PTPRN2: variants seen among roughly 807,000 people sequenced by gnomAD.
The protein encoded by PTPRN2 is receptor-type tyrosine-protein phosphatase N2.
PTPRN2 carries 74 observed loss-of-function variants against 118.8 expected under a neutral mutation model. The ratio of observed to expected loss-of-function variants is 0.62; its 90% CI spans 0.52 to 0.76. The LOEUF (loss-of-function observed/expected upper bound fraction) is 0.76. PTPRN2 is among the 30% of genes least tolerant of loss of function. The pLI, the probability that PTPRN2 is intolerant of heterozygous loss-of-function variation, is 0.00. For missense variants in PTPRN2, 1,481 were observed against 1,394.4 expected (o/e 1.06, Z -0.99); for synonymous variants, 641 against 608.0 (o/e 1.05, Z -0.80).
chr7:157,642,814 C>CAAAAAAAAAAAAAAAAAAAAAAAAAAAAA lies in PTPRN2; in HGVS notation c.2196+13514_2196+13542dup, dbSNP rs11335302. 2.1e-4 allele frequency among the ~76,000 whole-genome samples: 5 copies of CAAAAAAAAAAAAAAAAAAAAAAAAAAAAA among 24,204 alleles called. 1 individual carries two copies. Among genetic ancestry groups the CAAAAAAAAAAAAAAAAAAAAAAAAAAAAA allele is most frequent in the Non-Finnish European group, 4.2e-4 (5 of 11,920 alleles). 15.9% of individuals were successfully genotyped at this position (24,204 alleles called of 152,430 possible). ...AAGGGTCTACCAAGTCAAGAAACAGCAAAAAAAAAAAAAAAAAAAAAAAAA... is the reference window on the plus strand; with the variant it reads ...AAGGGTCTACCAAGTCAAGAAACAGCAAAAAAAAAAAAAAAAAAAAAAAAAAAAAAAAAAAAAAAAAAAAAAAAAAAAAA... On this transcript the variant is annotated intron_variant, in intron 14 of 22. Coordinates refer to ENST00000389418, the MANE Select transcript of PTPRN2 (RefSeq NM_002847.5).
chr7:158,422,253 T>C (rs1254353164), intron 2 of PTPRN2, among the ~76,000 whole-genome samples: 1 of 152,120 alleles, frequency 6.6e-6, no homozygotes, highest in Non-Finnish European at 1.5e-5. Flanking sequence ...AAATCCTAGG[T>C]AGGTTCTTAA....
At chr7:157,704,640 C>G (rs537514028) in intron 12 of PTPRN2, among the ~76,000 whole-genome samples, 1 of 152,158 alleles carries the variant, frequency 6.6e-6, no homozygotes, top group African/African-American at 2.4e-5. Flanking sequence ...GCAGGTGCCC[C>G]TCAGGTGTTC....
intron 2 of PTPRN2, among the ~76,000 whole-genome samples, chr7:158,354,754 G>A (rs4243841): frequency 0.87 from 133,119 of 152,202 alleles, 58,961 homozygotes; most frequent in Non-Finnish European, 0.94. Flanking sequence ...GAGGTACCAA[G>A]CTTACTCAAA....
At chr7:158,268,426 C>T (rs970507107) in intron 3 of PTPRN2, among the ~76,000 whole-genome samples, 1 of 148,314 alleles carries the variant, frequency 6.7e-6, no homozygotes, top group African/African-American at 2.5e-5. Context: ...AATATCCCAG[C>T]CGCATGCACA....
At chr7:158,494,542 C>T (rs980450525) in intron 1 of PTPRN2, among the ~76,000 whole-genome samples, 7 of 152,200 alleles carry the variant, frequency 4.6e-5, no homozygotes, top group Non-Finnish European at 8.8e-5. Flanking sequence ...CCTGTTGCCT[C>T]CAAGCTGCAG....
rs890230617 is a variant in PTPRN2, at chr7:158,270,661, C to A, written c.277+46158G>T. 2.0e-5 allele frequency among the ~76,000 whole-genome samples: 3 copies of A among 152,038 alleles called. No homozygotes were observed. The East Asian group carries it at 5.8e-4, about 29-fold the overall frequency. ...AGCTGCAGAAGGGCCAACCCCTTTA[C>A]CTGGCTGTCCCTCTCCCTGGGAGCT... On this transcript the variant is annotated intron_variant, in intron 3 of 22. Coordinates refer to ENST00000389418, the MANE Select transcript of PTPRN2 (RefSeq NM_002847.5).
At chr7:158,445,888 C>T (rs566626961) in intron 2 of PTPRN2, among the ~76,000 whole-genome samples, 2 of 152,338 alleles carry the variant, frequency 1.3e-5, no homozygotes, top group East Asian at 1.9e-4. Flanking sequence ...CCGGGTCAGC[C>T]CTCAGACCAC....
intron 11 of PTPRN2, among the ~76,000 whole-genome samples, chr7:158,069,558 C>A (rs1463390205): frequency 1.3e-5 from 2 of 151,866 alleles, no homozygotes; most frequent in Non-Finnish European, 2.9e-5. Flanking sequence ...CGCCCCACCT[C>A]CTCCATTCTT....
intron 9 of PTPRN2, among the ~76,000 whole-genome samples, chr7:158,133,282 G>A (rs572836229): frequency 3.3e-5 from 5 of 152,310 alleles, no homozygotes; most frequent in Admixed American, 1.3e-4. Flanking sequence ...CGCGCGGGCC[G>A]TGCTCAGGCT....
chr7:157,660,560 T>C lies in PTPRN2; in HGVS notation c.2002-4009A>G, dbSNP rs538570730. 1.1e-4 allele frequency among the ~76,000 whole-genome samples: 16 copies of C among 152,294 alleles called. No homozygotes were observed. In the South Asian group the frequency reaches 1.9e-3, roughly 18 times the overall value. ...TTTATAAATGGAGATAATCCTATAGTTACTGTGAAGATTAAAATAGATGGT... is the reference window on the plus strand; with the variant it reads ...TTTATAAATGGAGATAATCCTATAGCTACTGTGAAGATTAAAATAGATGGT... On this transcript the variant is annotated intron_variant, in intron 13 of 22. Transcript: ENST00000389418.
chr7:157,995,731 G>A (rs2128852570), intron 11 of PTPRN2, among the ~76,000 whole-genome samples: 1 of 152,368 alleles, frequency 6.6e-6, no homozygotes, highest in South Asian at 2.1e-4. Context: ...CTGTCAGAGG[G>A]GAGGATCCAC....
At chr7:158,489,823 G>T in intron 1 of PTPRN2, 38 bp from the exon 2 acceptor site, 1 of 1,542,520 alleles carries the variant, frequency 6.5e-7, no homozygotes, top group Non-Finnish European at 8.8e-7. Context: ...TCAGCTGGAG[G>T]GGAGGAGGGG....
At chr7:157,575,254 T>G (rs777496207) in intron 19 of PTPRN2, among the ~76,000 whole-genome samples, 20 of 152,370 alleles carry the variant, frequency 1.3e-4, no homozygotes, top group Non-Finnish European at 2.8e-4. Context: ...GAAGACTCTA[T>G]TTCAGGAAAT....
intron 12 of PTPRN2, among the ~76,000 whole-genome samples, chr7:157,896,769 A>G (rs2128750741): frequency 6.6e-6 from 1 of 152,330 alleles, no homozygotes; most frequent in East Asian, 1.9e-4. Flanking sequence ...GGCAGAAGCC[A>G]CTTGGGCTGG....
intron 11 of PTPRN2, among the ~76,000 whole-genome samples, chr7:157,980,499 C>T (rs1803055424): frequency 6.6e-6 from 1 of 152,242 alleles, no homozygotes; most frequent in South Asian, 2.1e-4. Context: ...CACCTGTCAT[C>T]CCAGCACTTT....
At chr7:158,177,368 T>A (rs1256622941) in intron 5 of PTPRN2, among the ~76,000 whole-genome samples, 1 of 152,206 alleles carries the variant, frequency 6.6e-6, no homozygotes, top group African/African-American at 2.4e-5. Context: ...TATATCTTTT[T>A]ATGAAGTATC....
chr7:158,166,651 C>T (rs2150591248), intron 6 of PTPRN2, among the ~76,000 whole-genome samples: 1 of 152,138 alleles, frequency 6.6e-6, no homozygotes, highest in African/African-American at 2.4e-5. Context: ...CTCACACCCT[C>T]AGCAGCGCCT....
chr7:158,030,589 T>C (rs1474653989), intron 11 of PTPRN2: 1 of 152,160 alleles, frequency 6.6e-6, no homozygotes, highest in Non-Finnish European at 1.5e-5. Flanking sequence ...GAGACAGAAG[T>C]GCCCAGTGGG....
chr7:158,329,791 G>A (rs371941065), intron 2 of PTPRN2, among the ~76,000 whole-genome samples: 7 of 152,268 alleles, frequency 4.6e-5, no homozygotes, highest in African/African-American at 9.6e-5. Flanking sequence ...CCCAAGATCT[G>A]TCCACATGGT....
Sources: allele counts gnomAD v4.1 joint callset (sites outside exome capture counted in the v4.1 genomes callset), GRCh38; gene constraint gnomAD v4.1.1; transcripts MANE v1.5; gene names NCBI Gene and HGNC (gene_info 2026-07-23, HGNC 2026-07-21).